Variants in BNC2 observed in about 807,000 individuals in gnomAD.
The protein encoded by BNC2 is basonuclin zinc finger protein 2, also known as zinc finger protein basonuclin-2.
In BNC2, 20 loss-of-function variants were observed where a neutral mutation model predicts 76.3. The ratio of observed to expected loss-of-function variants is 0.26; its 90% CI spans 0.18 to 0.38. The LOEUF is 0.38. Among genes scored for constraint, BNC2 ranks in the 10% least tolerant of loss-of-function variants. BNC2 has a pLI of 1.00. For missense variants in BNC2, 1,382 were observed against 1,399.8 expected, an observed-to-expected ratio of 0.99 and a Z score of 0.20; for synonymous variants, 582 against 514.8, an observed-to-expected ratio of 1.13 and a Z score of -1.77.
At chr9:16,474,928 T>A (rs2131419022) in intron 5 of BNC2, among the ~76,000 whole-genome samples, 1 of 152,202 alleles carries the variant, frequency 6.6e-6, no homozygotes. Flanking sequence ...GCAAAAGAAC[T>A]TCAATCAGAC....
At chr9:16,765,965 T>C (rs1370284857) in intron 1 of BNC2, among the ~76,000 whole-genome samples, 1 of 152,018 alleles carries the variant, frequency 6.6e-6, no homozygotes, top group Non-Finnish European at 1.5e-5. Context: ...TTTTTTGTAT[T>C]TTTAGTAGAG....
At chr9:16,523,485 A>AC (rs1817687406) in intron 5 of BNC2, among the ~76,000 whole-genome samples, 2 of 126,242 alleles carry the variant, frequency 1.6e-5, no homozygotes, top group African/African-American at 3.7e-5. Flanking sequence ...CAAAAAAAAA[A>AC]AACAAAACAA....
chr9:16,800,814 C>T (rs952784727), intron 1 of BNC2, among the ~76,000 whole-genome samples: 2 of 152,102 alleles, frequency 1.3e-5, no homozygotes, highest in African/African-American at 4.8e-5. Flanking sequence ...TTTTTAAAAA[C>T]CTCTTCTTTT....
intron 3 of BNC2, among the ~76,000 whole-genome samples, chr9:16,593,278 A>G (rs1819981791): frequency 6.6e-6 from 1 of 152,164 alleles, no homozygotes; most frequent in Non-Finnish European, 1.5e-5. Context: ...AAATGTTTCT[A>G]CAACTGTGTG....
At chr9:16,596,733 C>T (rs1181342807) in intron 3 of BNC2, among the ~76,000 whole-genome samples, 1 of 152,152 alleles carries the variant, frequency 6.6e-6, no homozygotes, top group Non-Finnish European at 1.5e-5. Context: ...CTTCTGCCCT[C>T]TCTAGACTGC....
chr9:16,586,095 T>C (rs1422786048), intron 3 of BNC2, among the ~76,000 whole-genome samples: 1 of 151,966 alleles, frequency 6.6e-6, no homozygotes. Flanking sequence ...AACTGTCTGC[T>C]CTTTTCTTTA....
chr9:16,736,225 A>T (rs1250289483), intron 2 of BNC2, among the ~76,000 whole-genome samples: 1 of 151,630 alleles, frequency 6.6e-6, no homozygotes. Context: ...AAAAAAAAAA[A>T]AAGGAAAGAA....
In BNC2 at chr9:16,423,139, A is replaced by G. The variant is rs371911435; in HGVS notation, c.2640-3490T>C. On this transcript the variant is annotated intron_variant, in intron 6 of 6. Coordinates refer to ENST00000380672, the MANE Select transcript of BNC2 (RefSeq NM_017637.6). ...AACAATTGGAACAAAGAATCCAACA[A>G]GGAACCAATTTTGAGCTCTCCAGCG... is the stretch of plus-strand genomic sequence containing the variant. Among the ~76,000 whole-genome samples the G allele has an allele frequency of 6.6e-5, 10 of 152,376 alleles. No homozygotes were observed. In the East Asian group the frequency reaches 1.2e-3, roughly 18 times the overall value.
At chr9:16,839,604 T>C (rs2136081186) in intron 1 of BNC2, among the ~76,000 whole-genome samples, 1 of 152,280 alleles carries the variant, frequency 6.6e-6, no homozygotes, top group South Asian at 2.1e-4. Flanking sequence ...GCGCACTCTC[T>C]AGCTCTCGGA....
chr9:16,719,002 T>C (rs1310532563), intron 3 of BNC2, among the ~76,000 whole-genome samples: 1 of 152,200 alleles, frequency 6.6e-6, no homozygotes, highest in Admixed American at 6.5e-5. Flanking sequence ...GTTTTGGTTC[T>C]TTCTGGTACT....
chr9:16,657,924 T>G (rs1821977718), intron 3 of BNC2, among the ~76,000 whole-genome samples: 1 of 152,172 alleles, frequency 6.6e-6, no homozygotes, highest in Admixed American at 6.5e-5. Context: ...TTCCTGCTTT[T>G]TGTAATCTCT....
intron 5 of BNC2, among the ~76,000 whole-genome samples, chr9:16,514,807 A>G (rs1249335913): frequency 1.3e-5 from 2 of 152,248 alleles, no homozygotes; most frequent in Non-Finnish European, 2.9e-5. Flanking sequence ...AAACAAAAAA[A>G]CACTTTCACA....
At chr9:16,548,154 T>A (rs766375383) in intron 5 of BNC2, among the ~76,000 whole-genome samples, 17 of 152,280 alleles carry the variant, frequency 1.1e-4, no homozygotes, top group Non-Finnish European at 2.2e-4. Context: ...ATGAGAAGAT[T>A]TCCACAGACA....
intron 5 of BNC2, among the ~76,000 whole-genome samples, chr9:16,461,919 T>C (rs1821591553): frequency 6.6e-6 from 1 of 152,218 alleles, no homozygotes; most frequent in African/African-American, 2.4e-5. Context: ...GTGTTCTCTT[T>C]AGTATGAAAG....
chr9:16,750,274 T>C (rs182919314), intron 1 of BNC2, among the ~76,000 whole-genome samples: 1 of 152,362 alleles, frequency 6.6e-6, no homozygotes, highest in East Asian at 1.9e-4. Context: ...CCAATACATG[T>C]ACTATACAGT....
intron 1 of BNC2, among the ~76,000 whole-genome samples, chr9:16,836,050 G>A (rs1179963999): frequency 6.6e-6 from 1 of 152,118 alleles, no homozygotes; most frequent in East Asian, 1.9e-4. Context: ...ATAACACGAG[G>A]TAGTGAGTTT....
At chr9:16,542,671 C>T (rs1818359771) in intron 5 of BNC2, among the ~76,000 whole-genome samples, 1 of 152,214 alleles carries the variant, frequency 6.6e-6, no homozygotes, top group Non-Finnish European at 1.5e-5. Context: ...ATCATCAGGC[C>T]TAGATGTGGC....
At chr9:16,438,000 A>C (rs1821054337) in intron 5 of BNC2, among the ~76,000 whole-genome samples, 2 of 152,212 alleles carry the variant, frequency 1.3e-5, no homozygotes, top group African/African-American at 2.4e-5. Flanking sequence ...AGCAGACATG[A>C]CACTGGATTC....
chr9:16,480,825 C>T lies in BNC2; in HGVS notation c.670-43301G>A, dbSNP rs184633735. Among the ~76,000 whole-genome samples, 1,249 of 152,306 alleles carry T rather than the reference C, an allele frequency of 8.2e-3. 15 individuals carry two copies. The highest frequency in any genetic ancestry group is 0.029 in the African/African-American group (1,188 of 41,570). The stretch of plus-strand genomic sequence containing the variant: ...TGGGCTCCTGTGCGGCCTGAGCCTC[C>T]CCGACAAGTGCCACCCCCTGCTCCA... On this transcript the variant is annotated intron_variant, in intron 5 of 6. Coordinates refer to ENST00000380672, the MANE Select transcript of BNC2 (RefSeq NM_017637.6).
Sources: gnomAD v4.1 joint callset for allele counts (sites outside exome capture counted in the v4.1 genomes callset) on GRCh38, gnomAD v4.1.1 for gene constraint, MANE v1.5 for transcripts, NCBI Gene and HGNC (gene_info 2026-07-23, HGNC 2026-07-21) for gene names.